Variants in PRR16 observed in about 807,000 individuals in gnomAD.
PRR16 encodes the protein proline rich 16, also known as protein Largen.
A neutral mutation model predicts 18.2 loss-of-function variants in PRR16; 6 were observed. That is an observed-to-expected ratio of 0.33 (90% CI 0.18 to 0.65). PRR16 has a LOEUF of 0.65. Among genes scored for constraint, PRR16 ranks in the 30% least tolerant of loss-of-function variants. The pLI, the probability that PRR16 is intolerant of heterozygous loss-of-function variation, is 0.74. For synonymous variants in PRR16, 151 were observed against 147.8 expected, an observed-to-expected ratio of 1.02 and a Z score of -0.16; for missense variants, 412 against 376.6, an observed-to-expected ratio of 1.09 and a Z score of -0.78.
At chr5:120,590,217 G>T (rs906664526) in intron 1 of PRR16, among the ~76,000 whole-genome samples, 2 of 152,040 alleles carry the variant, frequency 1.3e-5, no homozygotes, top group African/African-American at 4.8e-5. Context: ...TGATCCTTCA[G>T]GATCCAGCTC....
In PRR16 at chr5:120,487,594, C is replaced by A. The variant is rs184954346; in HGVS notation, c.159+22949C>A. On this transcript the variant is annotated intron_variant, in intron 1 of 1. Transcript: ENST00000407149. ...GATATACAATCATGTCATCTGCAAA[C>A]AGGGACAATTTGACTTCCTCTTTTC... 3.5e-4 allele frequency among the ~76,000 whole-genome samples: 53 copies of A among 152,244 alleles called. No homozygotes were observed. In the East Asian group the frequency reaches 9.1e-3, roughly 26 times the overall value.
the PRR16 span, among the ~76,000 whole-genome samples, chr5:120,747,314 A>T: frequency 1.3e-5 from 2 of 152,158 alleles, no homozygotes; most frequent in African/African-American, 4.8e-5. Flanking sequence ...CATACATTCA[A>T]GTTTTATTTT....
chr5:120,503,024 A>G (rs1171940987), intron 1 of PRR16, among the ~76,000 whole-genome samples: 1 of 152,212 alleles, frequency 6.6e-6, no homozygotes, highest in African/African-American at 2.4e-5. Context: ...GCATTGAAAC[A>G]TATAAAATAT....
At position 120,672,877 on chromosome 5, in the gene PRR16, A is replaced by G. The variant is rs140674518; in HGVS notation, c.160-13077A>G. ...TCTTTCTGAACATGATTAACATAAT[A>G]GAATCATTTTGAAGTGTATACACAC... is the stretch of plus-strand genomic sequence containing the variant. On this transcript the variant is annotated intron_variant, in intron 1 of 1. Transcript: ENST00000407149. Among the ~76,000 whole-genome samples, 22 of 152,308 alleles carry G rather than the reference A, an allele frequency of 1.4e-4. No homozygotes were observed. In the East Asian group the frequency reaches 4.3e-3, roughly 29 times the overall value.
Position 120,575,031 on chromosome 5 carries a change from A to G in PRR16, c.159+110386A>G, listed in dbSNP as rs192570456. ...TTTGAGAGAGAGAAATCACATTCAT[A>G]TAACTTTTATTATAGTGTTGTAGCC... On this transcript the variant is annotated intron_variant, in intron 1 of 1. Coordinates refer to ENST00000407149, the MANE Select transcript of PRR16 (RefSeq NM_001300783.2). Among the ~76,000 whole-genome samples, 592 of 139,722 alleles carry G rather than the reference A, an allele frequency of 4.2e-3. 82 individuals are homozygous for G. Among genetic ancestry groups the G allele is most frequent in the African/African-American group, 0.019 (573 of 29,748 alleles). 91.7% of individuals were successfully genotyped at this position (139,722 alleles called of 152,430 possible).
chr5:120,527,984 A>G (rs1751425230), intron 1 of PRR16, among the ~76,000 whole-genome samples: 1 of 152,210 alleles, frequency 6.6e-6, no homozygotes, highest in African/African-American at 2.4e-5. Flanking sequence ...TTCCTTTCTT[A>G]TAGTTTTTAA....
chr5:120,540,462 T>TGA (rs1173282961), intron 1 of PRR16, among the ~76,000 whole-genome samples: 4 of 152,202 alleles, frequency 2.6e-5, no homozygotes, highest in African/African-American at 9.6e-5. Flanking sequence ...GGGCCTCTCT[T>TGA]AACCAGGTTC....
rs142586555 is a variant in PRR16 at position 120,511,060 on chromosome 5, C to T, written c.159+46415C>T. Among the ~76,000 whole-genome samples, 228 of 152,226 alleles carry T rather than the reference C, an allele frequency of 1.5e-3. 2 individuals are homozygous for T. Among genetic ancestry groups the T allele is most frequent in the African/African-American group, 5.1e-3 (212 of 41,538 alleles). ...TGTCTCTTAGGGCTCCATACACAAG[C>T]GCCCAGAAACTAATGAATCAAAGCA... On this transcript the variant is annotated intron_variant, in intron 1 of 1. Coordinates refer to ENST00000407149, the MANE Select transcript of PRR16 (RefSeq NM_001300783.2).
At chr5:120,645,115 C>T (rs1021549016) in intron 1 of PRR16, among the ~76,000 whole-genome samples, 5 of 152,070 alleles carry the variant, frequency 3.3e-5, no homozygotes, top group Non-Finnish European at 5.9e-5. Context: ...GATTATTTGG[C>T]TCCATTTAGC....
intron 1 of PRR16, among the ~76,000 whole-genome samples, chr5:120,567,321 G>C (rs941738435): frequency 1.3e-5 from 2 of 152,054 alleles, no homozygotes; most frequent in African/African-American, 4.8e-5. Flanking sequence ...CCTCTGATAG[G>C]ACTTCTTATC....
rs148655512 is a variant in PRR16, at chr5:120,589,635, G to T, written c.160-96319G>T. On this transcript the variant is annotated intron_variant, in intron 1 of 1. Coordinates refer to ENST00000407149, the MANE Select transcript of PRR16 (RefSeq NM_001300783.2). ...GGGGGTGAAAGGCACTTCTTACATG[G>T]TGGTGGCAGGAGAAAATGAGGAAGA... Among the ~76,000 whole-genome samples the T allele has an allele frequency of 4.9e-3, 745 of 152,164 alleles. 6 individuals are homozygous for T. Among genetic ancestry groups the T allele is most frequent in the Non-Finnish European group, 8.5e-3 (575 of 67,986 alleles).
chr5:120,778,369 C>A, the PRR16 span, among the ~76,000 whole-genome samples: 1 of 152,076 alleles, frequency 6.6e-6, no homozygotes, highest in Non-Finnish European at 1.5e-5. Context: ...GTAGTTGGAG[C>A]AAGACATTTT....
At chr5:120,790,913 C>T in the PRR16 span, 3 of 151,856 alleles carry the variant, frequency 2.0e-5, no homozygotes, top group East Asian at 5.8e-4. Context: ...AAAACATCTA[C>T]AGAATAACAA....
chr5:120,754,354 ATG>A, the PRR16 span, among the ~76,000 whole-genome samples: 2 of 73,392 alleles, frequency 2.7e-5, no homozygotes, highest in African/African-American at 1.3e-4. Context: ...ATGTTATATG[ATG>A]TATATAAATA....
the PRR16 span, among the ~76,000 whole-genome samples, chr5:120,792,922 C>G: frequency 6.7e-6 from 1 of 149,624 alleles, no homozygotes; most frequent in Non-Finnish European, 1.5e-5. Context: ...GAGGCCGAGG[C>G]CAGGGGGATC....
the PRR16 span, among the ~76,000 whole-genome samples, chr5:120,730,251 A>C: frequency 1.3e-5 from 2 of 152,144 alleles, no homozygotes; most frequent in African/African-American, 4.8e-5. Context: ...CTACAGGATG[A>C]ATTCTCAGGC....
chr5:120,764,908 C>A, the PRR16 span, among the ~76,000 whole-genome samples: 1 of 151,934 alleles, frequency 6.6e-6, no homozygotes. Context: ...TGTAAAACCT[C>A]CCCCCAAATT....
At chr5:120,661,611 T>A (rs1756174952) in intron 1 of PRR16, among the ~76,000 whole-genome samples, 1 of 152,058 alleles carries the variant, frequency 6.6e-6, no homozygotes, top group Non-Finnish European at 1.5e-5. Context: ...ACCTATTCTT[T>A]CCTTTTCAGT....
chr5:120,617,125 A>G (rs1347977512), intron 1 of PRR16: 2 of 985,230 alleles, frequency 2.0e-6, no homozygotes, highest in Non-Finnish European at 2.4e-6. Context: ...ACCTCCCCAC[A>G]TGATGAAACA....
Sources: allele counts gnomAD v4.1 joint callset (sites outside exome capture counted in the v4.1 genomes callset), GRCh38; gene constraint gnomAD v4.1.1; transcripts MANE v1.5; gene names NCBI Gene and HGNC (gene_info 2026-07-23, HGNC 2026-07-21).